The following EPHB1 variants were observed in gnomAD, a reference collection of about 807,000 sequenced individuals.
EPHB1 encodes the protein ephrin type-B receptor 1.
A neutral mutation model predicts 94.4 loss-of-function variants in EPHB1; 30 were observed. That is an observed-to-expected ratio of 0.32 (90% CI 0.24 to 0.43). The LOEUF (loss-of-function observed/expected upper bound fraction) is 0.43, where lower values mean the gene tolerates loss of function less well. EPHB1 is among the 20% of genes least tolerant of loss of function. EPHB1 has a pLI of 1.00. For missense variants in EPHB1, 1,055 were observed against 1,308.3 expected (o/e 0.81, Z 2.99); for synonymous variants, 522 against 489.1 (o/e 1.07, Z -0.89).
At chr3:135,077,032 A>T (rs1937952639) in intron 3 of EPHB1, among the ~76,000 whole-genome samples, 2 of 152,120 alleles carry the variant, frequency 1.3e-5, no homozygotes, top group Admixed American at 1.3e-4. Context: ...GAATCATTGA[A>T]CTCATAAATT....
intron 1 of EPHB1, chr3:134,852,406 T>C (rs1483089308): frequency 6.6e-6 from 1 of 151,948 alleles, no homozygotes; most frequent in African/African-American, 2.4e-5. Context: ...GGGCAGAGGG[T>C]CAGGCACTTA....
intron 9 of EPHB1, among the ~76,000 whole-genome samples, chr3:135,168,824 A>G (rs1470751961): frequency 6.6e-6 from 1 of 152,182 alleles, no homozygotes; most frequent in African/African-American, 2.4e-5. Context: ...CTGAAAGTGG[A>G]GCCAGGACCA....
rs1941286677 is a variant in EPHB1, at chr3:135,154,267, C to T, written c.1413C>T (p.Tyr471=). 1.9e-6 allele frequency: 3 copies of T among 1,613,938 alleles called. No homozygotes were observed. The highest frequency in any genetic ancestry group is 2.5e-6 in the Non-Finnish European group (3 of 1,179,832). The change falls in exon 6 of 16, where the codon TAC becomes TAT. Residue 471 remains tyrosine, a synonymous_variant. Transcript: ENST00000398015. Reference sequence around the variant, plus strand: ...TCATCCTGGACTATGAGATCCGGTACTATGAGAAGGTGAGCCAGCTCTACC... The same window carrying T: ...TCATCCTGGACTATGAGATCCGGTATTATGAGAAGGTGAGCCAGCTCTACC... ...NGIILDYEIR[Y]YEKEHNEFNS...
intron 1 of EPHB1, among the ~76,000 whole-genome samples, chr3:134,850,868 C>T (rs2036966661): frequency 6.6e-6 from 1 of 152,252 alleles, no homozygotes; most frequent in African/African-American, 2.4e-5. Flanking sequence ...TCAGCTGGAG[C>T]AGATCATTCT....
chr3:135,117,918 G>A (rs1379062890), intron 4 of EPHB1, among the ~76,000 whole-genome samples: 7 of 152,208 alleles, frequency 4.6e-5, no homozygotes, highest in Non-Finnish European at 1.0e-4. Context: ...TGTCTCTTCT[G>A]GGGCAGAGGT....
At chr3:135,122,106 T>G (rs748398572) in intron 4 of EPHB1, among the ~76,000 whole-genome samples, 3 of 152,188 alleles carry the variant, frequency 2.0e-5, no homozygotes, top group Non-Finnish European at 4.4e-5. Flanking sequence ...GCCTGTCTCC[T>G]TTGCAGACCT....
intron 12 of EPHB1, among the ~76,000 whole-genome samples, chr3:135,225,048 G>A (rs1019615755): frequency 2.0e-5 from 3 of 152,110 alleles, no homozygotes; most frequent in Non-Finnish European, 2.9e-5. Flanking sequence ...GGGAGAGCAC[G>A]TTGAGGGGGG....
At chr3:135,039,412 T>G (rs532089653) in intron 3 of EPHB1, among the ~76,000 whole-genome samples, 10 of 152,220 alleles carry the variant, frequency 6.6e-5, no homozygotes, top group Non-Finnish European at 1.0e-4. Flanking sequence ...CTGCCAGTCC[T>G]GCACCGTGCG....
intron 1 of EPHB1, among the ~76,000 whole-genome samples, chr3:134,888,961 G>A (rs73217022): frequency 0.063 from 9,557 of 152,230 alleles, 333 homozygotes; most frequent in South Asian, 0.15. Flanking sequence ...GCAGATTCCA[G>A]TAGCAGAGGG....
rs1360679608 is a variant in EPHB1, at chr3:135,259,174, GA to G, written c.*55del. 14 of 1,400,974 alleles carry G rather than the reference GA, an allele frequency of 1.0e-5. No homozygotes were observed. In the East Asian group the frequency reaches 3.1e-4, roughly 31 times the overall value. The allele number at this position is 1,400,974 out of a possible 1,614,324, so 86.8% of individuals were successfully genotyped here. On this transcript the variant is annotated 3_prime_UTR_variant, in exon 16 of 16. Coordinates refer to ENST00000398015, the MANE Select transcript of EPHB1 (RefSeq NM_004441.5). ...AGGGAAAAGGACCAGGGTCAAGGGGGACCAGAGGTTGACCACTGTGGAATGT... is the reference window on the plus strand; with the variant it reads ...AGGGAAAAGGACCAGGGTCAAGGGGGCCAGAGGTTGACCACTGTGGAATGT...
At chr3:135,253,737 C>A (rs1393643893) in intron 15 of EPHB1, among the ~76,000 whole-genome samples, 1 of 149,574 alleles carries the variant, frequency 6.7e-6, no homozygotes, top group East Asian at 2.0e-4. Context: ...TAGTTTTTTC[C>A]AATTCTGTGA....
At chr3:134,927,249 C>G (rs1268515859) in intron 2 of EPHB1, among the ~76,000 whole-genome samples, 1 of 152,234 alleles carries the variant, frequency 6.6e-6, no homozygotes, top group East Asian at 1.9e-4. Flanking sequence ...ACAGGGCAGA[C>G]AGTTATCTCA....
chr3:134,796,897 T>G (rs1376657438), intron 1 of EPHB1, among the ~76,000 whole-genome samples: 1 of 152,142 alleles, frequency 6.6e-6, no homozygotes, highest in East Asian at 1.9e-4. Context: ...TTGTTACTCG[T>G]TCCTCGCGAA....
At chr3:135,010,383 A>T (rs1352612160) in intron 3 of EPHB1, among the ~76,000 whole-genome samples, 1 of 151,640 alleles carries the variant, frequency 6.6e-6, no homozygotes, top group Non-Finnish European at 1.5e-5. Context: ...ATACACAGGC[A>T]TTTTTTTTCT....
chr3:135,005,139 T>C (rs1237067714), intron 3 of EPHB1, among the ~76,000 whole-genome samples: 3 of 152,200 alleles, frequency 2.0e-5, no homozygotes, highest in African/African-American at 7.2e-5. Flanking sequence ...GGGTTTTTGG[T>C]GTGGATGTCC....
chr3:135,165,491 A>C (rs538655430), intron 7 of EPHB1, among the ~76,000 whole-genome samples: 8 of 152,346 alleles, frequency 5.3e-5, no homozygotes, highest in Middle Eastern at 3.4e-3. Context: ...TTTGTCCTCC[A>C]CAGTGCCTGG....
At chr3:134,957,462 A>G (rs1242364825) in intron 3 of EPHB1, among the ~76,000 whole-genome samples, 1 of 152,176 alleles carries the variant, frequency 6.6e-6, no homozygotes, top group South Asian at 2.1e-4. Flanking sequence ...AACTGGGTAG[A>G]CCAAGAACAA....
chr3:135,118,813 G>T (rs1184013216), intron 4 of EPHB1, among the ~76,000 whole-genome samples: 1 of 152,158 alleles, frequency 6.6e-6, no homozygotes, highest in Non-Finnish European at 1.5e-5. Flanking sequence ...AGTTCCCCAT[G>T]GGTGAGTGTT....
At chr3:135,010,286 T>C (rs1935573472) in intron 3 of EPHB1, among the ~76,000 whole-genome samples, 1 of 152,204 alleles carries the variant, frequency 6.6e-6, no homozygotes, top group African/African-American at 2.4e-5. Flanking sequence ...CTTCCTCTCC[T>C]TCCCTCATCC....
Sources: allele counts gnomAD v4.1 joint callset (sites outside exome capture counted in the v4.1 genomes callset), GRCh38; gene constraint gnomAD v4.1.1; transcripts MANE v1.5; gene names NCBI Gene and HGNC (gene_info 2026-07-23, HGNC 2026-07-21).